DCP1A: variants seen among roughly 807,000 people sequenced by gnomAD.
DCP1A encodes the protein mRNA-decapping enzyme 1A.
A neutral mutation model predicts 58.0 loss-of-function variants in DCP1A; 20 were observed. That is an observed-to-expected ratio of 0.34 (90% confidence interval 0.24 to 0.50). The LOEUF (loss-of-function observed/expected upper bound fraction) is 0.50. Among genes scored for constraint, DCP1A ranks in the 20% least tolerant of loss-of-function variants. The pLI, the probability that DCP1A is intolerant of heterozygous loss-of-function variation, is 0.98. For missense variants in DCP1A, 613 were observed against 712.2 expected (o/e 0.86, Z 1.59); for synonymous variants, 285 against 275.1 (o/e 1.04, Z -0.36).
At chr3:53,325,017 T>TA (rs1300526595) in intron 3 of DCP1A, among the ~76,000 whole-genome samples, 34 of 151,506 alleles carry the variant, frequency 2.2e-4, no homozygotes, top group South Asian at 1.0e-3. Flanking sequence ...TTTGAAAATG[T>TA]AAAAAAAAAT....
chr3:53,329,997 C>G (rs2088956658), intron 3 of DCP1A, among the ~76,000 whole-genome samples: 1 of 152,180 alleles, frequency 6.6e-6, no homozygotes, highest in Admixed American at 6.5e-5. Context: ...AGACCATATA[C>G]TCTTTCCCAA....
intron 3 of DCP1A, among the ~76,000 whole-genome samples, chr3:53,333,881 C>CT (rs2089063372): frequency 6.6e-6 from 1 of 152,086 alleles, no homozygotes; most frequent in Non-Finnish European, 1.5e-5. Context: ...AGACACCAGC[C>CT]TTTTTTGCTT....
In DCP1A at chr3:53,303,158, C is replaced by T. The variant is rs1052938618; in HGVS notation, c.624+1019G>A. On this transcript the variant is annotated intron_variant, in intron 6 of 9. Transcript: ENST00000610213. Reference sequence around the variant, plus strand: ...TAGAGAAGGGGTCTCACTATGCTGCCCAGGCTGGTCTCTAACTCCTGGGCT... The same window carrying T: ...TAGAGAAGGGGTCTCACTATGCTGCTCAGGCTGGTCTCTAACTCCTGGGCT... Among the ~76,000 whole-genome samples the T allele has an allele frequency of 3.7e-4, 56 of 152,058 alleles. 1 individual carries two copies. The highest frequency in any genetic ancestry group is 1.0e-4 in the Non-Finnish European group (7 of 68,020).
intron 3 of DCP1A, among the ~76,000 whole-genome samples, chr3:53,341,831 C>T (rs949726922): frequency 1.3e-5 from 2 of 152,098 alleles, no homozygotes; most frequent in African/African-American, 4.8e-5. Flanking sequence ...TGCCACCAAG[C>T]CCGGCTAATT....
chr3:53,325,894 G>A (rs1263493654), intron 3 of DCP1A, among the ~76,000 whole-genome samples: 2 of 152,098 alleles, frequency 1.3e-5, no homozygotes, highest in Non-Finnish European at 2.9e-5. Flanking sequence ...TTGTATATCC[G>A]CAAGAAACTC....
At chr3:53,305,992 T>A (rs567747002) in intron 5 of DCP1A, among the ~76,000 whole-genome samples, 76 of 152,222 alleles carry the variant, frequency 5.0e-4, no homozygotes, top group Non-Finnish European at 7.3e-4. Context: ...CGGCATCTGA[T>A]GAACATCATC....
Position 53,312,324 on chromosome 3 carries a change from G to A in DCP1A, c.427C>T (p.Pro143Ser). The A allele has an allele frequency of 6.2e-7, 1 of 1,613,476 alleles. No homozygotes were observed. The change falls in exon 5 of 10, where the codon CCC becomes TCC. Residue 143 changes from proline to serine, a missense_variant. This residue lies in a region of DCP1A where 498 missense variants were observed against 556.7 expected (regional missense o/e 0.89). Transcript: ENST00000610213. ...TCGCTGCAGCCATTGGCCTGGCTGG[G>A]ACTCTGTTTGTCCCGAGCAGCTTGC... ...SQQAARDKQS[P>S]SQANGCSDHR...
chr3:53,287,584 A>T lies in DCP1A; in HGVS notation c.1745T>A (p.Leu582Gln). The part of the protein sequence containing the change: ...VLTKNKDNHN[L>Q] ...TTTAGACTTATTCTGCTCCAGTCAT[A>T]GGTTGTGGTTGTCTTTGTTCTTGGT... The change falls in exon 10 of 10, where the codon CTA (leucine) becomes CAA (glutamine). Residue 582 changes from leucine (L) to glutamine (Q), a missense_variant. Physicochemically the swap from Leu to Gln is moderately radical, Grantham distance 113. This residue lies in a region of DCP1A where 498 missense variants were observed against 556.7 expected (regional missense o/e 0.89). Transcript: ENST00000610213. The T allele has an allele frequency of 3.1e-6, 5 of 1,604,390 alleles. No homozygotes were observed. Among genetic ancestry groups the T allele is most frequent in the Non-Finnish European group, 4.3e-6 (5 of 1,171,392 alleles).
At chr3:53,319,908 T>C (rs1415889927) in intron 3 of DCP1A, among the ~76,000 whole-genome samples, 2 of 152,100 alleles carry the variant, frequency 1.3e-5, no homozygotes, top group Admixed American at 1.3e-4. Context: ...GGTGGGCGGA[T>C]CACTTGAGGT....
intron 6 of DCP1A, among the ~76,000 whole-genome samples, chr3:53,294,294 G>A (rs1197194813): frequency 6.6e-6 from 1 of 152,190 alleles, no homozygotes; most frequent in African/African-American, 2.4e-5. Context: ...TAAGATACTG[G>A]CAGAGAAGAG....
intron 3 of DCP1A, among the ~76,000 whole-genome samples, chr3:53,326,872 G>A (rs528399593): frequency 2.8e-4 from 43 of 151,806 alleles, no homozygotes; most frequent in Non-Finnish European, 2.9e-4. Flanking sequence ...CCCAATCCCC[G>A]TCCATTGAAA....
intron 3 of DCP1A, among the ~76,000 whole-genome samples, chr3:53,340,041 A>T (rs533690793): frequency 4.6e-5 from 7 of 152,212 alleles, no homozygotes; most frequent in African/African-American, 1.7e-4. Context: ...TTCCCACCTC[A>T]GCCTCCTGGG....
chr3:53,311,413 C>G (rs1707640337), intron 5 of DCP1A, among the ~76,000 whole-genome samples: 1 of 152,152 alleles, frequency 6.6e-6, no homozygotes, highest in Admixed American at 6.5e-5. Context: ...GAGTCATAAC[C>G]ATGAAATGCC....
chr3:53,332,448 TCTTC>T (rs1307055724), intron 3 of DCP1A, among the ~76,000 whole-genome samples: 1 of 152,272 alleles, frequency 6.6e-6, no homozygotes, highest in Non-Finnish European at 1.5e-5. Flanking sequence ...ATGCATGTTC[TCTTC>T]CTTTAGTTGG....
chr3:53,284,830 CAT>C lies in DCP1A; in HGVS notation c.*2748_*2749del, dbSNP rs2106776374. The C allele has an allele frequency of 6.6e-6, 1 of 152,230 alleles. No homozygotes were observed. The highest frequency in any genetic ancestry group is 2.1e-4 in the South Asian group (1 of 4,824). The allele number at this position is 152,230 out of a possible 1,614,324, so 9.4% of individuals were successfully genotyped here. On this transcript the variant is annotated 3_prime_UTR_variant, in exon 10 of 10. Coordinates refer to ENST00000610213, the MANE Select transcript of DCP1A (RefSeq NM_018403.7). ...TTGAAGGTGAGCTGTGGACATACCACATGTGGACAGCATGAAATGCTTCTTCT... is the reference window on the plus strand; with the variant it reads ...TTGAAGGTGAGCTGTGGACATACCACGTGGACAGCATGAAATGCTTCTTCT...
intron 6 of DCP1A, among the ~76,000 whole-genome samples, chr3:53,299,760 T>C (rs190801106): frequency 1.6e-4 from 24 of 152,374 alleles, no homozygotes; most frequent in African/African-American, 5.0e-4. Flanking sequence ...AGTATCTGCC[T>C]GTGGCGGCTG....
At chr3:53,288,519 G>A (rs1212591312) in intron 8 of DCP1A, among the ~76,000 whole-genome samples, 2 of 152,154 alleles carry the variant, frequency 1.3e-5, no homozygotes, top group Admixed American at 6.5e-5. Flanking sequence ...GAATCATTAC[G>A]GGAAGCCAAG....
At chr3:53,288,313 G>A (rs537210744) in intron 8 of DCP1A, 30 bp from the exon 9 acceptor site, 65 of 1,558,834 alleles carry the variant, frequency 4.2e-5, no homozygotes, top group African/African-American at 3.8e-4. Context: ...ATTTTGTACC[G>A]AAGTGCAGAA....
Position 53,288,236 on chromosome 3 carries a change from T to G in DCP1A, c.1497A>C (p.Ser499=). 6.2e-7 allele frequency: 1 copy of G among 1,613,818 alleles called. No individual in the cohort carries two copies. The highest frequency in any genetic ancestry group is 1.3e-5 in the African/African-American group (1 of 75,058). ...GGAAAACACTTGGGGCCAGCAGGAC[T>G]GAAGACACTGCAGTGGTCGTTGCAG... is the stretch of plus-strand genomic sequence containing the variant. ...LVTATTTAVS[S]VLLAPSVFQQ... Residue 499 remains serine, a synonymous_variant, in exon 9 of 10, where the codon TCA becomes TCC. Transcript: ENST00000610213.
Sources: gnomAD v4.1 joint callset for allele counts (sites outside exome capture counted in the v4.1 genomes callset) on GRCh38, gnomAD v4.1.1 for gene constraint, gnomAD v4.1.1 regional missense constraint, MANE v1.5 for transcripts, NCBI Gene and HGNC (gene_info 2026-07-23, HGNC 2026-07-21) for gene names.